The following CCDC178 variants were observed in gnomAD, a reference collection of about 807,000 sequenced individuals.
CCDC178 encodes the protein coiled-coil domain-containing protein 178.
Under a neutral mutation model 117.4 loss-of-function variants are expected in CCDC178, and 126 were observed. The ratio of observed to expected loss-of-function variants is 1.07; its 90% CI spans 0.93 to 1.24. The LOEUF (loss-of-function observed/expected upper bound fraction) is 1.24, where lower values mean the gene tolerates loss of function less well. Ranked by LOEUF, CCDC178 falls within the 50% of genes most tolerant of loss-of-function variation. CCDC178 has a pLI of 0.00. For missense variants in CCDC178, 1,030 were observed against 986.9 expected (o/e 1.04, Z -0.59); for synonymous variants, 283 against 313.4 (o/e 0.90, Z 1.02).
chr18:33,354,936 T>C (rs1201393896), intron 7 of CCDC178, among the ~76,000 whole-genome samples: 1 of 152,180 alleles, frequency 6.6e-6, no homozygotes, highest in Non-Finnish European at 1.5e-5. Flanking sequence ...TTAATTTTTA[T>C]AATTTCTCTA....
At chr18:33,195,049 T>G (rs2058912311) in intron 20 of CCDC178, among the ~76,000 whole-genome samples, 1 of 148,994 alleles carries the variant, frequency 6.7e-6, no homozygotes, top group African/African-American at 2.5e-5. Flanking sequence ...CCCTGGAGTT[T>G]GAGGCTGCAG....
chr18:33,245,281 C>G lies in CCDC178; in HGVS notation c.1557G>C (p.Met519Ile), dbSNP rs191623603. ...FHLTKHKTDEMEDKIAEVRRK... is the reference protein window; with the variant it reads ...FHLTKHKTDEIEDKIAEVRRK... ...TTCTCACTTCTGCTATTTTATCTTC[C>G]ATTTCATCTGTCTTGTGTTTGGTTA... Residue 519 changes from methionine (M) to isoleucine (I), a missense_variant, in exon 15 of 23, where the codon ATG becomes ATC. Coordinates refer to ENST00000383096, the MANE Select transcript of CCDC178 (RefSeq NM_001105528.4). 18 of 1,595,580 alleles carry G rather than the reference C, an allele frequency of 1.1e-5. No homozygotes were observed. In the East Asian group the frequency reaches 3.6e-4, roughly 32 times the overall value.
intron 6 of CCDC178, among the ~76,000 whole-genome samples, chr18:33,357,328 T>G (rs945353332): frequency 6.6e-6 from 1 of 152,108 alleles, no homozygotes; most frequent in Non-Finnish European, 1.5e-5. Context: ...CTCATAAACT[T>G]ATTGGTTTAC....
chr18:33,287,639 G>A (rs1249434437), intron 12 of CCDC178, among the ~76,000 whole-genome samples: 1 of 152,030 alleles, frequency 6.6e-6, no homozygotes, highest in Non-Finnish European at 1.5e-5. Flanking sequence ...AATTAGTTGG[G>A]TATGGTGGCT....
At chr18:33,427,381 A>G (rs1038484361) in intron 2 of CCDC178, among the ~76,000 whole-genome samples, 2 of 152,128 alleles carry the variant, frequency 1.3e-5, no homozygotes, top group Non-Finnish European at 2.9e-5. Flanking sequence ...TTTATTGTAC[A>G]ATAATAGACT....
intron 21 of CCDC178, among the ~76,000 whole-genome samples, chr18:33,003,536 C>T (rs1157519349): frequency 6.6e-6 from 1 of 152,040 alleles, no homozygotes; most frequent in African/African-American, 2.4e-5. Flanking sequence ...GAACATACCT[C>T]AATATAATAA....
At chr18:33,267,430 G>A (rs774775694) in intron 12 of CCDC178, 133 bp from the exon 13 acceptor site, 40 of 522,932 alleles carry the variant, frequency 7.6e-5, no homozygotes, top group South Asian at 1.5e-4. Context: ...TAGAAAATTC[G>A]GAATCATAAT....
intron 20 of CCDC178, among the ~76,000 whole-genome samples, chr18:33,141,655 G>A (rs1032820297): frequency 2.6e-5 from 4 of 152,168 alleles, no homozygotes; most frequent in African/African-American, 7.2e-5. Context: ...AACACAAAGA[G>A]GAAAGTTCCT....
intron 20 of CCDC178, among the ~76,000 whole-genome samples, chr18:33,147,017 A>G (rs1345754194): frequency 6.6e-6 from 1 of 152,188 alleles, no homozygotes; most frequent in Non-Finnish European, 1.5e-5. Context: ...ATATTCCACA[A>G]CAGCCTCTTC....
At chr18:33,057,948 G>A (rs1186826276) in intron 21 of CCDC178, among the ~76,000 whole-genome samples, 1 of 152,052 alleles carries the variant, frequency 6.6e-6, no homozygotes, top group African/African-American at 2.4e-5. Context: ...TCCACAGTGG[G>A]GTAGCACTTC....
rs1478336362 is a variant in CCDC178, at chr18:33,086,421, T to TACACAC, written c.2388+6339_2388+6340insGTGTGT. Among the ~76,000 whole-genome samples the TACACAC allele has an allele frequency of 2.8e-3, 425 of 149,662 alleles. 2 individuals are homozygous for TACACAC. The highest frequency in any genetic ancestry group is 0.01 in the African/African-American group (408 of 40,280). ...GTATGTATATATACATATATAAATA[T>TACACAC]ATATACACACACACACACACACACA... On this transcript the variant is annotated intron_variant, in intron 21 of 22. Coordinates refer to ENST00000383096, the MANE Select transcript of CCDC178 (RefSeq NM_001105528.4).
chr18:33,326,544 A>G (rs2062587056), intron 10 of CCDC178, among the ~76,000 whole-genome samples: 1 of 152,190 alleles, frequency 6.6e-6, no homozygotes, highest in African/African-American at 2.4e-5. Context: ...TTATGGCCTT[A>G]GCATATCTAG....
chr18:32,955,900 CT>C (rs1180493958), intron 22 of CCDC178, among the ~76,000 whole-genome samples: 1 of 152,120 alleles, frequency 6.6e-6, no homozygotes, highest in Non-Finnish European at 1.5e-5. Context: ...AGTCTCTATT[CT>C]GTTTTCTCAT....
chr18:33,316,661 A>C (rs567035776), intron 11 of CCDC178, among the ~76,000 whole-genome samples: 4 of 152,276 alleles, frequency 2.6e-5, no homozygotes, highest in Middle Eastern at 3.4e-3. Flanking sequence ...TGTCTAGCTA[A>C]GGGATTGTAA....
intron 20 of CCDC178, among the ~76,000 whole-genome samples, chr18:33,178,027 T>C (rs2058684349): frequency 6.6e-6 from 1 of 152,128 alleles, no homozygotes. Flanking sequence ...TTTTTTTTGA[T>C]ACTTTAATAA....
chr18:33,251,053 A>C (rs961625178), intron 14 of CCDC178, among the ~76,000 whole-genome samples: 1 of 151,758 alleles, frequency 6.6e-6, no homozygotes, highest in African/African-American at 2.4e-5. Flanking sequence ...CACGGAGATA[A>C]GCCTGGTTGA....
chr18:33,360,226 A>G (rs2144725587), intron 6 of CCDC178, among the ~76,000 whole-genome samples: 1 of 150,864 alleles, frequency 6.6e-6, no homozygotes, highest in East Asian at 1.9e-4. Context: ...ACTCCTAGGT[A>G]TATACTCAAA....
intron 22 of CCDC178, among the ~76,000 whole-genome samples, chr18:32,945,240 T>G (rs2054320100): frequency 6.6e-6 from 1 of 152,168 alleles, no homozygotes; most frequent in Admixed American, 6.5e-5. Context: ...GGAAACGACT[T>G]GCATATATAA....
chr18:33,104,198 T>G (rs2057669920), intron 20 of CCDC178, among the ~76,000 whole-genome samples: 1 of 151,646 alleles, frequency 6.6e-6, no homozygotes, highest in South Asian at 2.1e-4. Context: ...ATCTTCCAGG[T>G]TTTTCCAGGG....
Sources: gnomAD v4.1 joint callset for allele counts (sites outside exome capture counted in the v4.1 genomes callset) on GRCh38, gnomAD v4.1.1 for gene constraint, MANE v1.5 for transcripts, NCBI Gene and HGNC (gene_info 2026-07-23, HGNC 2026-07-21) for gene names.